Variants in GCSH observed in about 807,000 individuals in gnomAD.
GCSH encodes the protein glycine cleavage system H protein, mitochondrial.
GCSH carries 15 observed loss-of-function variants against 21.3 expected under a neutral mutation model. That is an observed-to-expected ratio of 0.70 (90% CI 0.47 to 1.08). The LOEUF is 1.08. Among genes scored for constraint, GCSH ranks in the 50% least tolerant of loss-of-function variants. The pLI, the probability that GCSH is intolerant of heterozygous loss-of-function variation, is 0.00. For synonymous variants in GCSH, 59 were observed against 84.5 expected, an observed-to-expected ratio of 0.70 and a Z score of 1.66; for missense variants, 179 against 217.5, an observed-to-expected ratio of 0.82 and a Z score of 1.11.
In GCSH at chr16:81,082,358, G is replaced by C. The variant is rs1022566537; in HGVS notation, c.*508C>G. On this transcript the variant is annotated 3_prime_UTR_variant, in exon 5 of 5. Coordinates refer to ENST00000315467, the MANE Select transcript of GCSH (RefSeq NM_004483.5). ...AAGTATTTTATTATTTTGCTGCAAA[G>C]CTGTTGCTTCACTGTATAAAAATAG... 3 of 429,544 alleles carry C rather than the reference G, an allele frequency of 7.0e-6. No individual in the cohort carries two copies. Among genetic ancestry groups the C allele is most frequent in the Non-Finnish European group, 1.4e-5 (3 of 216,630 alleles). The allele number at this position is 429,544 out of a possible 1,614,324, so 26.6% of individuals were successfully genotyped here.
chr16:81,094,861 C>G (rs1972468192), intron 1 of GCSH, among the ~76,000 whole-genome samples: 1 of 152,094 alleles, frequency 6.6e-6, no homozygotes, highest in South Asian at 2.1e-4. Context: ...CTTTGGGAGG[C>G]TGAGGCGGGT....
chr16:81,092,615 C>T (rs1972419274), intron 1 of GCSH, among the ~76,000 whole-genome samples: 1 of 151,376 alleles, frequency 6.6e-6, no homozygotes, highest in African/African-American at 2.4e-5. Context: ...TGGTGGCACA[C>T]TCCTGTAATG....
At chr16:81,087,522 T>C in intron 3 of GCSH, 79 bp downstream of exon 3, 1 of 1,005,722 alleles carries the variant, frequency 9.9e-7, no homozygotes, top group Non-Finnish European at 1.6e-6. Flanking sequence ...CTCTAATTAA[T>C]CCAGGGTACA....
intron 2 of GCSH, 109 bp downstream of exon 2, chr16:81,090,492 G>C (rs1352578065): frequency 1.3e-6 from 1 of 783,996 alleles, no homozygotes; most frequent in East Asian, 2.6e-5. Context: ...AAAGTGTTGG[G>C]ATTACAGGCA....
chr16:81,084,423 G>A (rs1173008423), intron 4 of GCSH, 40 bp downstream of exon 4: 2 of 1,452,150 alleles, frequency 1.4e-6, no homozygotes, highest in South Asian at 1.1e-5. Context: ...AATATTTACT[G>A]TAGTAGTAAT....
Position 81,082,046 on chromosome 16 carries a change from G to T in GCSH, c.*820C>A, listed in dbSNP as rs1348583879. 2 of 453,966 alleles carry T rather than the reference G, an allele frequency of 4.4e-6. No individual in the cohort carries two copies. Among genetic ancestry groups the T allele is most frequent in the Non-Finnish European group, 8.8e-6 (2 of 226,806 alleles). The allele number at this position is 453,966 out of a possible 1,614,324, so 28.1% of individuals were successfully genotyped here. A position where few individuals can be genotyped will look rare whatever the true frequency, so the allele number is the denominator to read the frequency against. On this transcript the variant is annotated 3_prime_UTR_variant, in exon 5 of 5. Transcript: ENST00000315467. ...ACTTAAAAACACCATGTGCTATACTGATCAAAACTTCCACCTTCCTCTGTC... is the reference window on the plus strand; with the variant it reads ...ACTTAAAAACACCATGTGCTATACTTATCAAAACTTCCACCTTCCTCTGTC...
chr16:81,093,995 G>A (rs568379644), intron 1 of GCSH, among the ~76,000 whole-genome samples: 8 of 152,018 alleles, frequency 5.3e-5, no homozygotes, highest in Non-Finnish European at 1.2e-4. Flanking sequence ...TCTGCCTCCC[G>A]GGTTCAAGTG....
At chr16:81,088,932 A>G (rs1972337856) in intron 2 of GCSH, among the ~76,000 whole-genome samples, 1 of 152,160 alleles carries the variant, frequency 6.6e-6, no homozygotes, top group Non-Finnish European at 1.5e-5. Context: ...AATGTTTGCA[A>G]GTCATTCTCA....
chr16:81,089,871 C>T (rs542054730), intron 2 of GCSH, among the ~76,000 whole-genome samples: 5 of 152,164 alleles, frequency 3.3e-5, no homozygotes, highest in Non-Finnish European at 7.3e-5. Context: ...TCCTCCTGGT[C>T]ACGTGTGTAT....
At chr16:81,091,030 G>C (rs1168746585) in intron 1 of GCSH, 10 of 447,822 alleles carry the variant, frequency 2.2e-5, no homozygotes, top group Non-Finnish European at 4.3e-5. Flanking sequence ...AAAAAAATCT[G>C]TGCCTCTGAA....
chr16:81,087,986 T>C (rs1330369143), intron 2 of GCSH, among the ~76,000 whole-genome samples: 48 of 151,926 alleles, frequency 3.2e-4, no homozygotes, highest in Admixed American at 3.2e-3. Flanking sequence ...ATTAGCTGGG[T>C]GTGGTGGCAG....
At chr16:81,095,012 G>C (rs890688510) in intron 1 of GCSH, among the ~76,000 whole-genome samples, 1 of 151,702 alleles carries the variant, frequency 6.6e-6, no homozygotes, top group African/African-American at 2.4e-5. Flanking sequence ...AGAATCGCTT[G>C]AATCTGGGAG....
chr16:81,089,138 T>G (rs914929848), intron 2 of GCSH, among the ~76,000 whole-genome samples: 1 of 152,210 alleles, frequency 6.6e-6, no homozygotes, highest in African/African-American at 2.4e-5. Flanking sequence ...TAATGGCATT[T>G]TGGTCAACAA....
In GCSH at chr16:81,082,754, T is replaced by C. The variant is rs574266697; in HGVS notation, c.*112A>G. 91 of 645,190 alleles carry C rather than the reference T, an allele frequency of 1.4e-4. 1 individual carries two copies. The highest frequency in any genetic ancestry group is 7.1e-4 in the East Asian group (26 of 36,712). The allele number at this position is 645,190 out of a possible 1,614,324, so 40.0% of individuals were successfully genotyped here. A position where few individuals can be genotyped will look rare whatever the true frequency, so the allele number is the denominator to read the frequency against. Reference sequence around the variant, plus strand: ...AGCAGTGTTAACAGTAGTTTTTTTTTCCCCATCGGTAATACTAAAAGTTTC... The same window carrying C: ...AGCAGTGTTAACAGTAGTTTTTTTTCCCCCATCGGTAATACTAAAAGTTTC... On this transcript the variant is annotated 3_prime_UTR_variant, in exon 5 of 5. Coordinates refer to ENST00000315467, the MANE Select transcript of GCSH (RefSeq NM_004483.5).
intron 2 of GCSH, among the ~76,000 whole-genome samples, chr16:81,089,868 G>A (rs961816563): frequency 6.6e-6 from 1 of 152,090 alleles, no homozygotes; most frequent in African/African-American, 2.4e-5. Flanking sequence ...CCGTCCTCCT[G>A]GTCACGTGTG....
At chr16:81,090,218 C>G (rs1050590106) in intron 2 of GCSH, among the ~76,000 whole-genome samples, 1 of 151,612 alleles carries the variant, frequency 6.6e-6, no homozygotes, top group Non-Finnish European at 1.5e-5. Flanking sequence ...AGCCTCCTGA[C>G]GAGCTGGGAT....
At chr16:81,083,297 C>T in intron 4 of GCSH, 1 of 328,970 alleles carries the variant, frequency 3.0e-6, no homozygotes, top group South Asian at 2.7e-5. Context: ...GCAAGCAAAT[C>T]ACTTGAGGCT....
intron 4 of GCSH, chr16:81,084,048 C>T (rs1972221608): frequency 3.7e-6 from 1 of 268,232 alleles, no homozygotes; most frequent in Non-Finnish European, 7.1e-6. Context: ...TCTTGGCTCA[C>T]TATAGACTGC....
intron 1 of GCSH, among the ~76,000 whole-genome samples, chr16:81,092,745 A>G (rs1972421742): frequency 6.6e-6 from 1 of 150,514 alleles, no homozygotes; most frequent in Non-Finnish European, 1.5e-5. Context: ...TCAGTCTCAA[A>G]AAAAACAAAC....
Sources: allele counts gnomAD v4.1 joint callset (sites outside exome capture counted in the v4.1 genomes callset), GRCh38; gene constraint gnomAD v4.1.1; transcripts MANE v1.5; gene names NCBI Gene and HGNC (gene_info 2026-07-23, HGNC 2026-07-21).